Variants in ELMOD2 observed in about 807,000 individuals in gnomAD.
ELMOD2 encodes ELMO domain-containing protein 2.
In ELMOD2, 28 loss-of-function variants were observed where a neutral mutation model predicts 41.0. The ratio of observed to expected loss-of-function variants is 0.68; its 90% confidence interval spans 0.51 to 0.94. The LOEUF is 0.94. Among genes scored for constraint, ELMOD2 ranks in the 40% least tolerant of loss-of-function variants. ELMOD2 has a pLI of 0.00. For synonymous variants in ELMOD2, 106 were observed against 107.2 expected (o/e 0.99, Z 0.07); for missense variants, 333 against 343.1 (o/e 0.97, Z 0.23).
At chr4:140,544,646 C>G (rs1735213587) in intron 8 of ELMOD2, among the ~76,000 whole-genome samples, 1 of 152,048 alleles carries the variant, frequency 6.6e-6, no homozygotes, top group South Asian at 2.1e-4. Flanking sequence ...TTGCCATATA[C>G]CAGCCCCCCT....
Position 140,542,558 on chromosome 4 carries a change from T to C in ELMOD2, c.534-16T>C, listed in dbSNP as rs750375702. 1.3e-6 allele frequency: 2 copies of C among 1,578,834 alleles called. No individual in the cohort carries two copies. Among genetic ancestry groups the C allele is most frequent in the Admixed American group, 3.5e-5 (2 of 57,662 alleles). On this transcript the variant is annotated splice_polypyrimidine_tract_variant and intron_variant, in intron 6 of 8. Coordinates refer to ENST00000323570, the MANE Select transcript of ELMOD2 (RefSeq NM_153702.4). Reference sequence around the variant, plus strand: ...ATGGCGTACATTTGTTTGATTATTTTTCTTAAACTTTTTAGGTATTTCAGT... The same window carrying C: ...ATGGCGTACATTTGTTTGATTATTTCTCTTAAACTTTTTAGGTATTTCAGT...
Position 140,550,527 on chromosome 4 carries a change from CAG to C in ELMOD2, c.*153_*154del, listed in dbSNP as rs1735441339. 1 of 761,920 alleles carries C rather than the reference CAG, an allele frequency of 1.3e-6. No homozygotes were observed. Among genetic ancestry groups the C allele is most frequent in the Non-Finnish European group, 1.9e-6 (1 of 513,374 alleles). The allele number at this position is 761,920 out of a possible 1,614,324, so 47.2% of individuals were successfully genotyped here. A position where few individuals can be genotyped will look rare whatever the true frequency, so the allele number is the denominator to read the frequency against. On this transcript the variant is annotated 3_prime_UTR_variant, in exon 9 of 9. Transcript: ENST00000323570. ...CTATTTAAGAAAGCTAGTGGACAATCAGTGTATGTTTACAATTGTTTATACAC... is the reference window on the plus strand; with the variant it reads ...CTATTTAAGAAAGCTAGTGGACAATCTGTATGTTTACAATTGTTTATACAC...
chr4:140,534,341 A>T (rs1467578166), intron 3 of ELMOD2, among the ~76,000 whole-genome samples: 1 of 152,186 alleles, frequency 6.6e-6, no homozygotes, highest in East Asian at 1.9e-4. Flanking sequence ...ATTTATGGGC[A>T]TACAGCTAAG....
chr4:140,550,225 T>A lies in ELMOD2; in HGVS notation c.737-5T>A. 2.5e-6 allele frequency: 4 copies of A among 1,606,074 alleles called. No individual in the cohort carries two copies. The highest frequency in any genetic ancestry group is 3.4e-6 in the Non-Finnish European group (4 of 1,175,582). ...ATTAAATGTTTTGTTTTTCTTTAAC[T>A]GCAGGTTATCTTGTCTATGAATTTG... is the stretch of plus-strand genomic sequence containing the variant. On this transcript the variant is annotated splice_region_variant and splice_polypyrimidine_tract_variant and intron_variant, in intron 8 of 8. Coordinates refer to ENST00000323570, the MANE Select transcript of ELMOD2 (RefSeq NM_153702.4).
intron 1 of ELMOD2, chr4:140,524,641 T>C (rs1428950476): frequency 3.0e-6 from 3 of 985,362 alleles, no homozygotes; most frequent in Non-Finnish European, 3.6e-6. Flanking sequence ...CGACAGTCCC[T>C]CCTCAGGCCC....
chr4:140,545,641 A>C (rs947946933), intron 8 of ELMOD2, among the ~76,000 whole-genome samples: 1 of 152,184 alleles, frequency 6.6e-6, no homozygotes, highest in African/African-American at 2.4e-5. Context: ...AGTGTACTGA[A>C]GATTTCTAGC....
intron 8 of ELMOD2, among the ~76,000 whole-genome samples, chr4:140,543,805 A>G (rs1182007635): frequency 2.0e-5 from 3 of 152,142 alleles, no homozygotes; most frequent in Non-Finnish European, 2.9e-5. Flanking sequence ...ATAAAAGGCA[A>G]TATTTCACAT....
At position 140,524,711 on chromosome 4, in the gene ELMOD2, G is replaced by A. The variant is rs1006495323; in HGVS notation, c.-10+431G>A. The A allele has an allele frequency of 5.4e-6, 5 of 920,634 alleles. No homozygotes were observed. The African/African-American group carries it at 9.0e-5, about 16-fold the overall frequency. 57.0% of individuals were successfully genotyped at this position (920,634 alleles called of 1,614,324 possible). On this transcript the variant is annotated intron_variant, in intron 1 of 8. Coordinates refer to ENST00000323570, the MANE Select transcript of ELMOD2 (RefSeq NM_153702.4). ...AGGCAGGAAGGAGACGAGCAATTTT[G>A]TTTTTAAGTATCTCCCTCTCACTAG...
At position 140,552,484 on chromosome 4, in the gene ELMOD2, T is replaced by G. The variant is rs1388300906; in HGVS notation, c.*2109T>G. ...CCACTAATAAATTCTAGGGTTTGAG[T>G]CTAGAAGCCAAGCAAACTGTCACCA... is the stretch of plus-strand genomic sequence containing the variant. On this transcript the variant is annotated 3_prime_UTR_variant, in exon 9 of 9. Transcript: ENST00000323570. 2.6e-5 allele frequency: 4 copies of G among 152,048 alleles called. No homozygotes were observed. Among genetic ancestry groups the G allele is most frequent in the Non-Finnish European group, 2.9e-5 (2 of 67,950 alleles). 9.4% of individuals were successfully genotyped at this position (152,048 alleles called of 1,614,324 possible). A position where few individuals can be genotyped will look rare whatever the true frequency, so the allele number is the denominator to read the frequency against.
chr4:140,530,185 A>G (rs1314240211), intron 3 of ELMOD2, among the ~76,000 whole-genome samples: 2 of 152,206 alleles, frequency 1.3e-5, no homozygotes, highest in East Asian at 3.9e-4. Context: ...TAATTGTTAT[A>G]ACTGCATTTG....
chr4:140,535,954 C>A, intron 4 of ELMOD2, 124 bp downstream of exon 4: 1 of 827,534 alleles, frequency 1.2e-6, no homozygotes, highest in South Asian at 2.0e-5. Flanking sequence ...TCAGCGCTCT[C>A]ACTTCACAAG....
chr4:140,536,508 A>T (rs1198393233), intron 4 of ELMOD2, among the ~76,000 whole-genome samples: 1 of 152,216 alleles, frequency 6.6e-6, no homozygotes, highest in Non-Finnish European at 1.5e-5. Context: ...GAACAGTGCC[A>T]ACAAGGCACA....
chr4:140,530,025 A>C (rs973714798), intron 3 of ELMOD2, among the ~76,000 whole-genome samples: 1 of 152,190 alleles, frequency 6.6e-6, no homozygotes, highest in African/African-American at 2.4e-5. Context: ...TTATTGAGTG[A>C]ATGAATGAAT....
chr4:140,526,420 A>G (rs1426710269), intron 2 of ELMOD2, among the ~76,000 whole-genome samples: 1 of 152,208 alleles, frequency 6.6e-6, no homozygotes. Context: ...ATGAGTAAGA[A>G]CTGTGTTTTG....
chr4:140,548,378 A>G (rs1414570718), intron 8 of ELMOD2, among the ~76,000 whole-genome samples: 1 of 152,112 alleles, frequency 6.6e-6, no homozygotes, highest in Non-Finnish European at 1.5e-5. Context: ...CAGAGGCTTC[A>G]TTTCTTGATT....
intron 2 of ELMOD2, among the ~76,000 whole-genome samples, chr4:140,525,834 A>G (rs912639258): frequency 2.0e-5 from 3 of 152,130 alleles, no homozygotes; most frequent in African/African-American, 7.2e-5. Context: ...GTTGCAACCT[A>G]TTTTCTGGTG....
At chr4:140,531,565 G>A (rs1020432702) in intron 3 of ELMOD2, among the ~76,000 whole-genome samples, 77 of 152,308 alleles carry the variant, frequency 5.1e-4, no homozygotes, top group African/African-American at 1.8e-3. Flanking sequence ...TTTTATTGCA[G>A]CTGCCGTCTT....
chr4:140,529,411 G>C (rs1170755422), intron 3 of ELMOD2, among the ~76,000 whole-genome samples: 2 of 152,192 alleles, frequency 1.3e-5, no homozygotes, highest in African/African-American at 4.8e-5. Context: ...TGTAAAGAGA[G>C]TAAAACCATA....
chr4:140,525,279 A>T, intron 1 of ELMOD2, 141 bp from the exon 2 acceptor site: 1 of 878,868 alleles, frequency 1.1e-6, no homozygotes. Context: ...CATTGTTTTT[A>T]AATGCCTAAT....
Sources: allele counts gnomAD v4.1 joint callset (sites outside exome capture counted in the v4.1 genomes callset), GRCh38; gene constraint gnomAD v4.1.1; transcripts MANE v1.5; gene names NCBI Gene and HGNC (gene_info 2026-07-23, HGNC 2026-07-21).